Variants in MELK observed in about 807,000 individuals in gnomAD.
The protein encoded by MELK is maternal embryonic leucine zipper kinase.
A neutral mutation model predicts 85.0 loss-of-function variants in MELK; 81 were observed. That is an observed-to-expected ratio of 0.95 (90% CI 0.80 to 1.15). The LOEUF (loss-of-function observed/expected upper bound fraction) is 1.15, where lower values mean the gene tolerates loss of function less well. MELK is among the 50% of genes most tolerant of loss of function. MELK has a pLI of 0.00. For missense variants in MELK, 754 were observed against 777.5 expected, an observed-to-expected ratio of 0.97 and a Z score of 0.36; for synonymous variants, 252 against 265.0, an observed-to-expected ratio of 0.95 and a Z score of 0.48.
At position 36,660,163 on chromosome 9, in the gene MELK, T is replaced by G. The variant is rs115601672; in HGVS notation, c.1176+2800T>G. On this transcript the variant is annotated intron_variant, in intron 13 of 17. Transcript: ENST00000298048. ...TATGAGCACATCCTATACATGTACA[T>G]TGGGCTTGTAGATACCCTGGTATAT... 1.3e-3 allele frequency among the ~76,000 whole-genome samples: 205 copies of G among 152,286 alleles called. 3 individuals carry two copies. Among genetic ancestry groups the G allele is most frequent in the African/African-American group, 4.8e-3 (199 of 41,570 alleles).
chr9:36,599,391 C>T lies in MELK; in HGVS notation c.475-3C>T. On this transcript the variant is annotated splice_region_variant and splice_polypyrimidine_tract_variant and intron_variant, in intron 6 of 17. Transcript: ENST00000298048. The stretch of plus-strand genomic sequence containing the variant: ...ATAAGTTTCATTTTTATCTTATTGG[C>T]AGGGTAACAAGGATTACCATCTACA... The T allele has an allele frequency of 6.3e-7, 1 of 1,595,038 alleles. No individual in the cohort carries two copies. The highest frequency in any genetic ancestry group is 8.6e-7 in the Non-Finnish European group (1 of 1,166,192).
intron 2 of MELK, among the ~76,000 whole-genome samples, chr9:36,582,418 G>GTT (rs767662265): frequency 5.3e-5 from 8 of 152,182 alleles, no homozygotes; most frequent in Non-Finnish European, 1.2e-4. Flanking sequence ...GCAGGGAGAT[G>GTT]TTAGCAGACT....
At chr9:36,622,786 A>G (rs966306162) in intron 8 of MELK, among the ~76,000 whole-genome samples, 1 of 152,210 alleles carries the variant, frequency 6.6e-6, no homozygotes, top group Non-Finnish European at 1.5e-5. Flanking sequence ...ATGATTATGT[A>G]TTGGTGAGAT....
intron 15 of MELK, 44 bp downstream of exon 15, chr9:36,669,450 A>G: frequency 7.3e-7 from 1 of 1,369,290 alleles, no homozygotes; most frequent in Middle Eastern, 2.0e-4. Context: ...AGTATATGTA[A>G]CCAGATTTCC....
chr9:36,615,468 T>A (rs1383933738), intron 8 of MELK, among the ~76,000 whole-genome samples: 1 of 120,486 alleles, frequency 8.3e-6, no homozygotes, highest in Non-Finnish European at 1.7e-5. Flanking sequence ...CCCTCCCGGA[T>A]GGGGCGGCTG....
chr9:36,643,946 A>G (rs1352098270), intron 11 of MELK, among the ~76,000 whole-genome samples: 5 of 151,844 alleles, frequency 3.3e-5, no homozygotes, highest in Non-Finnish European at 5.9e-5. Context: ...AAAAAAAAAA[A>G]AAAGAAAAGA....
chr9:36,676,135 G>A (rs1398586257), intron 17 of MELK, among the ~76,000 whole-genome samples: 4 of 152,112 alleles, frequency 2.6e-5, no homozygotes, highest in Non-Finnish European at 5.9e-5. Flanking sequence ...CTTAACTTCA[G>A]GGTGCTCCTT....
At chr9:36,580,345 G>A (rs1822101398) in intron 1 of MELK, among the ~76,000 whole-genome samples, 2 of 150,108 alleles carry the variant, frequency 1.3e-5, no homozygotes, top group African/African-American at 4.9e-5. Context: ...TTGAGACGGA[G>A]TTTCACTCTT....
At chr9:36,665,200 A>G (rs949921794) in intron 13 of MELK, 150 bp from the exon 14 acceptor site, 6 of 605,578 alleles carry the variant, frequency 9.9e-6, no homozygotes, top group Non-Finnish European at 5.9e-6. Flanking sequence ...AAAACTATAT[A>G]TTTTCAAATT....
chr9:36,591,308 C>T (rs1392205450), intron 4 of MELK, among the ~76,000 whole-genome samples: 3 of 152,168 alleles, frequency 2.0e-5, no homozygotes, highest in Admixed American at 1.3e-4. Context: ...CGCAGGGGGT[C>T]ACGCTTGTAA....
intron 7 of MELK, 63 bp from the exon 8 acceptor site, chr9:36,607,512 A>G (rs1825675226): frequency 3.3e-6 from 4 of 1,203,616 alleles, no homozygotes; most frequent in Non-Finnish European, 4.9e-6. Context: ...CAAGAGTCCT[A>G]CCATTCTGAA....
intron 11 of MELK, among the ~76,000 whole-genome samples, chr9:36,647,629 C>G (rs551113025): frequency 6.6e-6 from 1 of 152,020 alleles, no homozygotes; most frequent in African/African-American, 2.4e-5. Flanking sequence ...GCTGGGATTA[C>G]AGGCGCCTGC....
At chr9:36,653,786 A>C (rs537039599) in intron 12 of MELK, among the ~76,000 whole-genome samples, 20 of 151,154 alleles carry the variant, frequency 1.3e-4, no homozygotes, top group African/African-American at 4.9e-4. Flanking sequence ...CAAAACTGTA[A>C]AAAAAAAACA....
At position 36,631,956 on chromosome 9, in the gene MELK, C is replaced by T. The variant is rs377013393; in HGVS notation, c.736-1146C>T. Among the ~76,000 whole-genome samples the T allele has an allele frequency of 1.4e-3, 212 of 152,290 alleles. 3 individuals carry two copies. In the South Asian group the frequency reaches 0.04, roughly 29 times the overall value. On this transcript the variant is annotated intron_variant, in intron 9 of 17. Coordinates refer to ENST00000298048, the MANE Select transcript of MELK (RefSeq NM_014791.4). The stretch of plus-strand genomic sequence containing the variant: ...GGATTACAGGTATGAGCCACGGCAT[C>T]CCGCCTTTTCCCAACTCTTGCTCAT...
At chr9:36,593,233 A>T (rs1823823103) in intron 4 of MELK, among the ~76,000 whole-genome samples, 1 of 141,872 alleles carries the variant, frequency 7.0e-6, no homozygotes, top group Non-Finnish European at 1.5e-5. Context: ...CATAGTTTAT[A>T]TAGTATCAGC....
intron 8 of MELK, among the ~76,000 whole-genome samples, chr9:36,608,803 G>A (rs1286781219): frequency 6.6e-6 from 1 of 151,806 alleles, no homozygotes; most frequent in Non-Finnish European, 1.5e-5. Context: ...GGCTGGTCTC[G>A]AACTCCCGAC....
chr9:36,606,247 A>G (rs1825466513), intron 7 of MELK, among the ~76,000 whole-genome samples: 1 of 150,158 alleles, frequency 6.7e-6, no homozygotes, highest in Non-Finnish European at 1.5e-5. Flanking sequence ...CTGGTAGGCT[A>G]ATTTCTAGTC....
chr9:36,615,109 C>G (rs1182105460), intron 8 of MELK, among the ~76,000 whole-genome samples: 2 of 144,424 alleles, frequency 1.4e-5, no homozygotes, highest in African/African-American at 5.3e-5. Context: ...GGCGGCTGGC[C>G]GGGCAGAGGG....
At chr9:36,604,286 T>C (rs1179495776) in intron 7 of MELK, among the ~76,000 whole-genome samples, 1 of 137,536 alleles carries the variant, frequency 7.3e-6, no homozygotes, top group Non-Finnish European at 1.6e-5. Context: ...TTTTTTTTTT[T>C]TTTTTTTTTG....
Sources: gnomAD v4.1 joint callset for allele counts (sites outside exome capture counted in the v4.1 genomes callset) on GRCh38, gnomAD v4.1.1 for gene constraint, MANE v1.5 for transcripts, NCBI Gene and HGNC (gene_info 2026-07-23, HGNC 2026-07-21) for gene names.